The following KLHL1 variants were observed in gnomAD, a reference collection of about 807,000 sequenced individuals.
KLHL1 encodes the protein kelch like family member 1.
Under a neutral mutation model 77.7 loss-of-function variants are expected in KLHL1, and 47 were observed. The ratio of observed to expected loss-of-function variants is 0.60; its 90% CI spans 0.48 to 0.77. The LOEUF (loss-of-function observed/expected upper bound fraction) is 0.77, where lower values mean the gene tolerates loss of function less well. KLHL1 is among the 30% of genes least tolerant of loss of function. The probability of loss-of-function intolerance (pLI) is 0.00; values close to 1 mark genes in which losing one functional copy is unlikely to be tolerated. For missense variants in KLHL1, 925 were observed against 910.8 expected (o/e 1.02, Z -0.20); for synonymous variants, 360 against 325.2 (o/e 1.11, Z -1.15).
At chr13:69,729,588 T>C (rs772255007) in intron 8 of KLHL1, among the ~76,000 whole-genome samples, 10 of 152,114 alleles carry the variant, frequency 6.6e-5, no homozygotes, top group Non-Finnish European at 1.3e-4. Flanking sequence ...TTAAAACAAT[T>C]TTCTGCTATG....
At chr13:69,923,348 T>G (rs1361552559) in intron 4 of KLHL1, among the ~76,000 whole-genome samples, 1 of 152,208 alleles carries the variant, frequency 6.6e-6, no homozygotes, top group Non-Finnish European at 1.5e-5. Flanking sequence ...GACTCTATGC[T>G]GCAATGGGGA....
intron 5 of KLHL1, among the ~76,000 whole-genome samples, chr13:69,853,268 C>T (rs1879765455): frequency 6.6e-6 from 1 of 152,002 alleles, no homozygotes; most frequent in African/African-American, 2.4e-5. Context: ...CACCCTCATG[C>T]TGTTCTCCTG....
At chr13:69,881,790 T>C (rs1881000149) in intron 5 of KLHL1, among the ~76,000 whole-genome samples, 1 of 152,192 alleles carries the variant, frequency 6.6e-6, no homozygotes, top group Non-Finnish European at 1.5e-5. Flanking sequence ...TGTTAAATCA[T>C]AACTCTCTAC....
chr13:69,958,221 C>A (rs1593987371), intron 3 of KLHL1, among the ~76,000 whole-genome samples: 1 of 151,170 alleles, frequency 6.6e-6, no homozygotes, highest in African/African-American at 2.4e-5. Context: ...ATACCAAGGC[C>A]ATTCTTACCA....
rs12430158 is a variant in KLHL1, at chr13:69,837,630, G to C, written c.1414+1346C>G. ...TCTCTCTCTCTATATATATGTGTGT[G>C]TATATATATATATGTGTATATATAT... On this transcript the variant is annotated intron_variant, in intron 6 of 10. Coordinates refer to ENST00000377844, the MANE Select transcript of KLHL1 (RefSeq NM_020866.3). Among the ~76,000 whole-genome samples, 316 of 128,294 alleles carry C rather than the reference G, an allele frequency of 2.5e-3. 3 individuals are homozygous for C. Among genetic ancestry groups the C allele is most frequent in the African/African-American group, 8.0e-3 (228 of 28,638 alleles). The allele number at this position is 128,294 out of a possible 152,430, so 84.2% of individuals were successfully genotyped here.
At chr13:70,023,636 T>C (rs1372895828) in intron 1 of KLHL1, among the ~76,000 whole-genome samples, 1 of 151,884 alleles carries the variant, frequency 6.6e-6, no homozygotes, top group Non-Finnish European at 1.5e-5. Flanking sequence ...CTCATTTACA[T>C]CCTTCAAACT....
intron 5 of KLHL1, among the ~76,000 whole-genome samples, chr13:69,856,009 A>G (rs1469527791): frequency 6.7e-6 from 1 of 149,036 alleles, no homozygotes; most frequent in Admixed American, 6.8e-5. Flanking sequence ...AATTATTGCT[A>G]TTACTTTCTG....
intron 1 of KLHL1, among the ~76,000 whole-genome samples, chr13:70,082,480 G>A (rs1887421393): frequency 6.6e-6 from 1 of 151,862 alleles, no homozygotes; most frequent in Non-Finnish European, 1.5e-5. Context: ...GTAGAACTAA[G>A]ACACACTCCA....
At chr13:69,986,990 C>CT (rs928233142) in intron 1 of KLHL1, among the ~76,000 whole-genome samples, 1 of 146,330 alleles carries the variant, frequency 6.8e-6, no homozygotes, top group Non-Finnish European at 1.5e-5. Context: ...ATTAACTGTA[C>CT]TTTTTTTAGA....
At chr13:69,935,877 G>A (rs764465380) in intron 4 of KLHL1, among the ~76,000 whole-genome samples, 1 of 152,124 alleles carries the variant, frequency 6.6e-6, no homozygotes, top group African/African-American at 2.4e-5. Flanking sequence ...TGTATTACAA[G>A]ATACTAGACA....
At chr13:69,720,918 A>T (rs9542044) in intron 8 of KLHL1, among the ~76,000 whole-genome samples, 87,998 of 141,996 alleles carry the variant, frequency 0.62, 27,640 homozygotes, top group Admixed American at 0.73. Flanking sequence ...GAATATGATT[A>T]GTTTGTGTTT....
chr13:70,087,458 G>A (rs771739780), intron 1 of KLHL1, among the ~76,000 whole-genome samples: 6 of 151,532 alleles, frequency 4.0e-5, no homozygotes, highest in Non-Finnish European at 5.9e-5. Context: ...AACAATGCCT[G>A]AAGGATTAAC....
intron 1 of KLHL1, among the ~76,000 whole-genome samples, chr13:70,020,020 G>A (rs1326774313): frequency 1.3e-5 from 2 of 152,026 alleles, no homozygotes; most frequent in Non-Finnish European, 2.9e-5. Context: ...TGTCACGTGA[G>A]GAAGCAGCAA....
intron 4 of KLHL1, among the ~76,000 whole-genome samples, chr13:69,905,905 G>A (rs1000473759): frequency 3.3e-5 from 5 of 151,964 alleles, no homozygotes; most frequent in African/African-American, 4.8e-5. Flanking sequence ...TCAAAGTTTC[G>A]AAAATGTACA....
chr13:69,849,323 A>G (rs1879594342), intron 5 of KLHL1, among the ~76,000 whole-genome samples: 1 of 151,516 alleles, frequency 6.6e-6, no homozygotes, highest in South Asian at 2.1e-4. Flanking sequence ...AATTTAGATG[A>G]GTATGCCAAA....
chr13:69,746,928 G>T (rs573382834), intron 7 of KLHL1, among the ~76,000 whole-genome samples: 1 of 152,130 alleles, frequency 6.6e-6, no homozygotes, highest in African/African-American at 2.4e-5. Flanking sequence ...TCCATAAAAA[G>T]GTTAAACTCT....
chr13:69,831,519 T>G (rs974630437), intron 6 of KLHL1, among the ~76,000 whole-genome samples: 1 of 149,894 alleles, frequency 6.7e-6, no homozygotes, highest in Non-Finnish European at 1.5e-5. Flanking sequence ...ATATCAGATA[T>G]TCAAGGAAGA....
At position 69,790,034 on chromosome 13, in the gene KLHL1, T is replaced by TATCA. The variant is rs553041264; in HGVS notation, c.1639+6700_1639+6703dup. On this transcript the variant is annotated intron_variant, in intron 7 of 10. Transcript: ENST00000377844. ...GATGTAATTGTGGTCTCTATTTAAC[T>TATCA]ATCAAGCTTCTCTTGGTGTTAGCCA... Among the ~76,000 whole-genome samples, 52 of 152,274 alleles carry TATCA rather than the reference T, an allele frequency of 3.4e-4. 1 individual carries two copies. Among genetic ancestry groups the TATCA allele is most frequent in the South Asian group, 2.7e-3 (13 of 4,822 alleles).
chr13:69,704,329 T>C (rs569227030), intron 10 of KLHL1, among the ~76,000 whole-genome samples: 29 of 151,834 alleles, frequency 1.9e-4, no homozygotes, highest in Non-Finnish European at 3.4e-4. Flanking sequence ...GCAAGCCCTC[T>C]AAATATCTCT....
Sources: allele counts gnomAD v4.1 joint callset (sites outside exome capture counted in the v4.1 genomes callset), GRCh38; gene constraint gnomAD v4.1.1; transcripts MANE v1.5; gene names NCBI Gene and HGNC (gene_info 2026-07-23, HGNC 2026-07-21).